The following SPATA9 variants were observed in gnomAD, a reference collection of about 807,000 sequenced individuals.
The protein encoded by SPATA9 is spermatogenesis-associated protein 9.
SPATA9 carries 27 observed loss-of-function variants against 25.5 expected under a neutral mutation model. The ratio of observed to expected loss-of-function variants is 1.06; its 90% CI spans 0.78 to 1.46. The LOEUF is 1.46. Among genes scored for constraint, SPATA9 ranks in the 40% most tolerant of loss-of-function variants. SPATA9 has a pLI of 0.00. For synonymous variants in SPATA9, 102 were observed against 105.7 expected (o/e 0.97, Z 0.21); for missense variants, 282 against 297.5 (o/e 0.95, Z 0.38).
the SPATA9 span, among the ~76,000 whole-genome samples, chr5:95,709,210 C>G: frequency 1.3e-5 from 2 of 152,154 alleles, no homozygotes; most frequent in African/African-American, 4.8e-5. Flanking sequence ...TTGGGATGGG[C>G]TCCTCGAACA....
intron 1 of SPATA9, among the ~76,000 whole-genome samples, chr5:95,698,374 C>A (rs1228634211): frequency 6.6e-6 from 1 of 152,118 alleles, no homozygotes; most frequent in Non-Finnish European, 1.5e-5. Flanking sequence ...GTGAAGGGAG[C>A]CAGTCTGAAA....
upstream of SPATA9, chr5:95,683,138 G>A: frequency 1.9e-6 from 1 of 536,856 alleles, no homozygotes; most frequent in East Asian, 4.5e-5. Context: ...ACACTAAGGA[G>A]TTCTATGATA....
At chr5:95,706,061 T>G in the SPATA9 span, among the ~76,000 whole-genome samples, 5 of 152,214 alleles carry the variant, frequency 3.3e-5, no homozygotes, top group African/African-American at 9.6e-5. Flanking sequence ...CTCCTCCCAC[T>G]CCCAGCAAAA....
rs756112692 is a variant in SPATA9, at chr5:95,675,398, C to T, written c.378+14G>A. 6.3e-7 allele frequency: 1 copy of T among 1,596,080 alleles called. No homozygotes were observed. The highest frequency in any genetic ancestry group is 8.5e-7 in the Non-Finnish European group (1 of 1,170,550). ...TTAAAAAAGGGGAATTGTGCATATGCAGTATTCCCTTACCTGAATGTTATA... is the reference window on the plus strand; with the variant it reads ...TTAAAAAAGGGGAATTGTGCATATGTAGTATTCCCTTACCTGAATGTTATA... On this transcript the variant is annotated intron_variant, in intron 3 of 4. Transcript: ENST00000274432.
At chr5:95,676,955 C>T (rs1752995333) in intron 2 of SPATA9, among the ~76,000 whole-genome samples, 1 of 152,184 alleles carries the variant, frequency 6.6e-6, no homozygotes. Flanking sequence ...TCCCTAAAAA[C>T]TTGTCGAAGT....
the SPATA9 span, among the ~76,000 whole-genome samples, chr5:95,704,964 A>G: frequency 1.1e-4 from 16 of 148,242 alleles, no homozygotes; most frequent in Non-Finnish European, 1.5e-4. Context: ...TTTTTTTTTG[A>G]GACAGAGTCT....
Position 95,658,791 on chromosome 5 carries a change from C to CGAAAGCACAGGCTCA in SPATA9, c.582_596dup (p.Val197_Pro201dup). 1 of 1,613,884 alleles carries CGAAAGCACAGGCTCA rather than the reference C, an allele frequency of 6.2e-7. No homozygotes were observed. Among genetic ancestry groups the CGAAAGCACAGGCTCA allele is most frequent in the East Asian group, 2.2e-5 (1 of 44,862 alleles). On this transcript the variant is annotated inframe_insertion, in exon 5 of 5. Coordinates refer to ENST00000274432, the MANE Select transcript of SPATA9 (RefSeq NM_031952.4). Reference sequence around the variant, plus strand: ...TTTCACCTTCAGCAAACATAGGCTCCGAAAGCACAGGCTCAGAAAAGGCTT... The same window carrying CGAAAGCACAGGCTCA: ...TTTCACCTTCAGCAAACATAGGCTCCGAAAGCACAGGCTCAGAAAGCACAGGCTCAGAAAAGGCTT...
intron 1 of SPATA9, among the ~76,000 whole-genome samples, chr5:95,693,668 T>C (rs934775385): frequency 6.6e-6 from 1 of 152,200 alleles, no homozygotes; most frequent in Admixed American, 6.5e-5. Flanking sequence ...AAGTTAACTA[T>C]ATATAATATT....
At chr5:95,712,863 CAG>C in the SPATA9 span, among the ~76,000 whole-genome samples, 1 of 152,068 alleles carries the variant, frequency 6.6e-6, no homozygotes, top group Admixed American at 6.6e-5. Context: ...CTAGAACAAA[CAG>C]GGAATGCCTT....
At chr5:95,714,804 A>G in the SPATA9 span, among the ~76,000 whole-genome samples, 1 of 152,150 alleles carries the variant, frequency 6.6e-6, no homozygotes, top group Non-Finnish European at 1.5e-5. Flanking sequence ...TGAAATAGGA[A>G]ATGGATTCCC....
the SPATA9 span, among the ~76,000 whole-genome samples, chr5:95,720,310 T>C: frequency 7.2e-6 from 1 of 139,742 alleles, no homozygotes; most frequent in Non-Finnish European, 1.5e-5. Flanking sequence ...TTGTTTAGAA[T>C]AGTGACTCTA....
At chr5:95,711,787 A>T in the SPATA9 span, among the ~76,000 whole-genome samples, 1 of 152,264 alleles carries the variant, frequency 6.6e-6, no homozygotes, top group African/African-American at 2.4e-5. Flanking sequence ...TGAATGGCGC[A>T]TGAACGGAGC....
intron 4 of SPATA9, 117 bp from the exon 5 acceptor site, chr5:95,659,030 AAAC>A (rs1328869565): frequency 1.1e-5 from 14 of 1,326,708 alleles, no homozygotes; most frequent in Non-Finnish European, 1.3e-5. Flanking sequence ...ATCTAATAAA[AAAC>A]ACTTCTTTTC....
the SPATA9 span, among the ~76,000 whole-genome samples, chr5:95,730,540 T>C: frequency 2.0e-5 from 3 of 152,238 alleles, no homozygotes; most frequent in South Asian, 6.2e-4. Context: ...TACGTGATTA[T>C]GTTTTCAGTT....
At chr5:95,699,616 G>C (rs974265823), upstream of SPATA9, among the ~76,000 whole-genome samples, 21 of 152,178 alleles carry the variant, frequency 1.4e-4, no homozygotes, top group African/African-American at 4.8e-4. Flanking sequence ...ATGGACATAA[G>C]AGATAACTGC....
At chr5:95,652,405 A>G, downstream of SPATA9, 8 of 1,515,532 alleles carry the variant, frequency 5.3e-6, no homozygotes, top group East Asian at 2.5e-5. Context: ...TTAGTCTCAT[A>G]TATCTGGTTG....
the SPATA9 span, among the ~76,000 whole-genome samples, chr5:95,721,568 C>T: frequency 6.6e-6 from 1 of 151,528 alleles, no homozygotes; most frequent in Non-Finnish European, 1.5e-5. Context: ...TACACAAATG[C>T]ATATGTTTTA....
At chr5:95,699,091 G>A (rs189099430), upstream of SPATA9, among the ~76,000 whole-genome samples, 522 of 152,274 alleles carry the variant, frequency 3.4e-3, 5 homozygotes, top group Non-Finnish European at 4.2e-3. Context: ...GCGATTCATT[G>A]AGCTTCTATT....
intron 4 of SPATA9, among the ~76,000 whole-genome samples, chr5:95,661,776 G>A (rs1158076026): frequency 1.3e-5 from 2 of 151,846 alleles, no homozygotes; most frequent in African/African-American, 4.8e-5. Context: ...AGCTATTCTT[G>A]ACCCTATGCA....
Sources: gnomAD v4.1 joint callset for allele counts (sites outside exome capture counted in the v4.1 genomes callset) on GRCh38, gnomAD v4.1.1 for gene constraint, MANE v1.5 for transcripts, NCBI Gene and HGNC (gene_info 2026-07-23, HGNC 2026-07-21) for gene names.